The following CTNNA3 variants were observed in gnomAD, a reference collection of about 807,000 sequenced individuals.
The protein encoded by CTNNA3 is catenin alpha-3.
Under a neutral mutation model 95.7 loss-of-function variants are expected in CTNNA3, and 76 were observed. The observed-to-expected ratio is 0.79, with a 90% CI of 0.66 to 0.96. The LOEUF (loss-of-function observed/expected upper bound fraction) is 0.96. Ranked by LOEUF, CTNNA3 falls within the 40% of genes least tolerant of loss-of-function variation. The probability of loss-of-function intolerance (pLI) is 0.00; values close to 1 mark genes in which losing one functional copy is unlikely to be tolerated. For synonymous variants in CTNNA3, 431 were observed against 374.4 expected, an observed-to-expected ratio of 1.15 and a Z score of -1.74; for missense variants, 1,191 against 1,089.8, an observed-to-expected ratio of 1.09 and a Z score of -1.31.
intron 9 of CTNNA3, among the ~76,000 whole-genome samples, chr10:66,747,122 A>G (rs937713625): frequency 6.6e-6 from 1 of 152,250 alleles, no homozygotes; most frequent in Non-Finnish European, 1.5e-5. Context: ...TGACAGAGCC[A>G]GGAATAGAAC....
chr10:66,059,993 T>A (rs1589307943), intron 15 of CTNNA3, among the ~76,000 whole-genome samples: 1 of 152,180 alleles, frequency 6.6e-6, no homozygotes, highest in East Asian at 1.9e-4. Context: ...GCAAAGATAA[T>A]ATACTGGTTT....
chr10:66,045,326 C>T (rs2079806473), intron 15 of CTNNA3, among the ~76,000 whole-genome samples: 1 of 152,138 alleles, frequency 6.6e-6, no homozygotes, highest in Non-Finnish European at 1.5e-5. Flanking sequence ...GTTTTATCTA[C>T]CTAAACCTTA....
intron 12 of CTNNA3, among the ~76,000 whole-genome samples, chr10:66,326,715 G>A (rs2092258853): frequency 1.3e-5 from 2 of 152,104 alleles, no homozygotes; most frequent in South Asian, 4.2e-4. Context: ...GGTAGCGGGA[G>A]ATCAGACCAG....
intron 7 of CTNNA3, among the ~76,000 whole-genome samples, chr10:67,040,810 A>G (rs1356619213): frequency 6.6e-6 from 1 of 152,128 alleles, no homozygotes. Context: ...ATTATACCAC[A>G]TGATGTTAAA....
chr10:66,711,826 T>C (rs1848306174), intron 9 of CTNNA3, among the ~76,000 whole-genome samples: 1 of 152,102 alleles, frequency 6.6e-6, no homozygotes, highest in Non-Finnish European at 1.5e-5. Context: ...CGTCTCGGCC[T>C]CTCAAAGTGC....
At chr10:65,950,616 T>C (rs1007299055) in intron 17 of CTNNA3, among the ~76,000 whole-genome samples, 5 of 152,166 alleles carry the variant, frequency 3.3e-5, no homozygotes, top group African/African-American at 9.7e-5. Context: ...ATAGTTCAGG[T>C]TGTTTAGCAC....
chr10:67,267,453 C>G (rs1409638217), intron 5 of CTNNA3, among the ~76,000 whole-genome samples: 1 of 152,168 alleles, frequency 6.6e-6, no homozygotes, highest in Non-Finnish European at 1.5e-5. Flanking sequence ...CAAGCTCTGC[C>G]TCCCAGGTTC....
In CTNNA3 at chr10:65,912,869, G is replaced by A. The variant is rs1255973012; in HGVS notation, c.*7461C>T. 6.6e-6 allele frequency: 1 copy of A among 152,060 alleles called. No individual in the cohort carries two copies. The highest frequency in any genetic ancestry group is 1.5e-5 in the Non-Finnish European group (1 of 68,018). 9.4% of individuals were successfully genotyped at this position (152,060 alleles called of 1,614,324 possible). ...TTTAAGGATAAATATGGACCAGAAA[G>A]GCCTACAGTATTTTTGCCAAATTTT... On this transcript the variant is annotated 3_prime_UTR_variant, in exon 18 of 18. Coordinates refer to ENST00000433211, the MANE Select transcript of CTNNA3 (RefSeq NM_013266.4).
intron 12 of CTNNA3, among the ~76,000 whole-genome samples, chr10:66,374,606 C>CTTTTTTT (rs58880058): frequency 3.4e-5 from 3 of 88,150 alleles, no homozygotes; most frequent in Admixed American, 1.4e-4. Context: ...AAAGAAAAGC[C>CTTTTTTT]TTTTTTTTTT....
intron 3 of CTNNA3, among the ~76,000 whole-genome samples, chr10:67,577,250 C>G (rs1024870174): frequency 7.9e-5 from 12 of 152,052 alleles, no homozygotes; most frequent in African/African-American, 2.9e-4. Context: ...GCCATTCTAA[C>G]TGGTGTGAGA....
intron 1 of CTNNA3, among the ~76,000 whole-genome samples, chr10:67,763,391 G>A (rs779223352): frequency 6.6e-6 from 1 of 152,044 alleles, no homozygotes; most frequent in Non-Finnish European, 1.5e-5. Flanking sequence ...CCATAATTTG[G>A]TTTCGAGAAA....
chr10:66,016,534 T>C (rs2079099789), intron 15 of CTNNA3, among the ~76,000 whole-genome samples: 1 of 152,188 alleles, frequency 6.6e-6, no homozygotes, highest in Admixed American at 6.5e-5. Flanking sequence ...TTTACAGTAA[T>C]TTTGAATTGT....
chr10:67,648,661 CAA>C, intron 1 of CTNNA3: 1 of 1,024,706 alleles, frequency 9.8e-7, no homozygotes, highest in African/African-American at 1.7e-5. Flanking sequence ...CTTCTCAAAT[CAA>C]AGTTTCAAAT....
At chr10:66,827,334 T>C (rs554650231) in intron 7 of CTNNA3, among the ~76,000 whole-genome samples, 2 of 152,274 alleles carry the variant, frequency 1.3e-5, no homozygotes, top group East Asian at 3.9e-4. Flanking sequence ...TTACCTCCCA[T>C]ATTAGACATG....
intron 7 of CTNNA3, among the ~76,000 whole-genome samples, chr10:67,132,708 G>A (rs747800123): frequency 9.9e-5 from 15 of 151,980 alleles, no homozygotes; most frequent in East Asian, 3.9e-4. Flanking sequence ...AAAAAATGTC[G>A]TATATATACA....
intron 9 of CTNNA3, among the ~76,000 whole-genome samples, chr10:66,733,388 T>C (rs1024578937): frequency 3.9e-5 from 6 of 152,004 alleles, no homozygotes; most frequent in African/African-American, 9.7e-5. Flanking sequence ...CATATTATGA[T>C]TTTTCTTATT....
intron 16 of CTNNA3, among the ~76,000 whole-genome samples, chr10:65,984,061 A>G (rs2212719): frequency 0.78 from 117,344 of 150,946 alleles, 45,936 homozygotes; most frequent in Non-Finnish European, 0.84. Flanking sequence ...ATTTAAATAT[A>G]TATATAATTT....
intron 1 of CTNNA3, among the ~76,000 whole-genome samples, chr10:67,706,914 C>G (rs1158431763): frequency 6.6e-6 from 1 of 152,120 alleles, no homozygotes; most frequent in Non-Finnish European, 1.5e-5. Context: ...TTGATATGTC[C>G]CAAAAAGGAG....
At chr10:67,250,037 A>C (rs1018531402) in intron 5 of CTNNA3, among the ~76,000 whole-genome samples, 1 of 152,210 alleles carries the variant, frequency 6.6e-6, no homozygotes, top group Admixed American at 6.5e-5. Context: ...AATAGTTGTT[A>C]TACTGTATTT....
Sources: gnomAD v4.1 joint callset for allele counts (sites outside exome capture counted in the v4.1 genomes callset) on GRCh38, gnomAD v4.1.1 for gene constraint, MANE v1.5 for transcripts, NCBI Gene and HGNC (gene_info 2026-07-23, HGNC 2026-07-21) for gene names.